The following MAP3K7CL variants were observed in gnomAD, a reference collection of about 807,000 sequenced individuals.
MAP3K7CL encodes MAP3K7 C-terminal-like protein.
A neutral mutation model predicts 18.6 loss-of-function variants in MAP3K7CL; 16 were observed. The ratio of observed to expected loss-of-function variants is 0.86; its 90% CI spans 0.58 to 1.31. The LOEUF (loss-of-function observed/expected upper bound fraction) is 1.31. Ranked by LOEUF, MAP3K7CL falls within the 50% of genes most tolerant of loss-of-function variation. The pLI, the probability that MAP3K7CL is intolerant of heterozygous loss-of-function variation, is 0.00. For synonymous variants in MAP3K7CL, 65 were observed against 66.8 expected, an observed-to-expected ratio of 0.97 and a Z score of 0.13; for missense variants, 163 against 174.4, an observed-to-expected ratio of 0.93 and a Z score of 0.37.
intron 4 of MAP3K7CL, among the ~76,000 whole-genome samples, chr21:29,120,734 CCTTCCTTCCTT>C (rs1281359610): frequency 3.3e-5 from 5 of 150,680 alleles, no homozygotes; most frequent in African/African-American, 1.2e-4. Context: ...TCTTTTCCTT[CCTTCCTTCCTT>C]CTTCCTTCCT....
intron 3 of MAP3K7CL, among the ~76,000 whole-genome samples, chr21:29,154,209 C>A (rs577022932): frequency 6.6e-6 from 1 of 151,956 alleles, no homozygotes; most frequent in Non-Finnish European, 1.5e-5. Context: ...AATAATTGCT[C>A]AATTAATGTA....
intron 2 of MAP3K7CL, among the ~76,000 whole-genome samples, chr21:29,147,346 C>A (rs1350380377): frequency 6.6e-6 from 1 of 151,720 alleles, no homozygotes; most frequent in Non-Finnish European, 1.5e-5. Flanking sequence ...TGTATCTGCA[C>A]TGTGTATGTG....
intron 3 of MAP3K7CL, among the ~76,000 whole-genome samples, chr21:29,150,754 C>T (rs1420795192): frequency 6.7e-6 from 1 of 148,830 alleles, no homozygotes; most frequent in Non-Finnish European, 1.5e-5. Context: ...AACAATTCAG[C>T]TCTCCCTCTA....
At chr21:29,138,058 G>A (rs1182412592) in intron 2 of MAP3K7CL, among the ~76,000 whole-genome samples, 1 of 152,148 alleles carries the variant, frequency 6.6e-6, no homozygotes, top group Non-Finnish European at 1.5e-5. Flanking sequence ...ACTGGCCCTG[G>A]TAGATGAGGA....
At chr21:29,113,740 T>C (rs1382305159) in intron 4 of MAP3K7CL, among the ~76,000 whole-genome samples, 1 of 152,136 alleles carries the variant, frequency 6.6e-6, no homozygotes, top group African/African-American at 2.4e-5. Context: ...GTCAGAGTGG[T>C]CTCAATCTCC....
At chr21:29,135,722 G>A (rs1480485386) in intron 2 of MAP3K7CL, among the ~76,000 whole-genome samples, 3 of 152,102 alleles carry the variant, frequency 2.0e-5, no homozygotes, top group Non-Finnish European at 4.4e-5. Flanking sequence ...AGTTTAGACT[G>A]GTTTGTTCCA....
chr21:29,172,476 G>T (rs1434722041), intron 4 of MAP3K7CL, among the ~76,000 whole-genome samples: 2 of 152,032 alleles, frequency 1.3e-5, no homozygotes, highest in African/African-American at 4.8e-5. Context: ...GGTGAAAGTG[G>T]CCTTCCAGTT....
Position 29,160,024 on chromosome 21 carries a change from C to T in MAP3K7CL, c.216C>T (p.Val72=), listed in dbSNP as rs914520509. ...AAATAGCAGAAGAATACCATGAGGTCAAAAAGGAAATCACCCTGCTTGAGC... is the reference window on the plus strand; with the variant it reads ...AAATAGCAGAAGAATACCATGAGGTTAAAAAGGAAATCACCCTGCTTGAGC... ...HCQIAEEYHE[V]KKEITLLEQR... Residue 72 remains valine (V), a synonymous_variant, in exon 4 of 5, where the codon GTC becomes GTT. Transcript: ENST00000399928. 3.1e-6 allele frequency: 5 copies of T among 1,613,808 alleles called. No individual in the cohort carries two copies. Among genetic ancestry groups the T allele is most frequent in the Non-Finnish European group, 3.4e-6 (4 of 1,179,926 alleles).
chr21:29,082,655 G>GT (rs931843716), upstream of MAP3K7CL, among the ~76,000 whole-genome samples: 30 of 152,174 alleles, frequency 2.0e-4, no homozygotes, highest in African/African-American at 7.0e-4. Flanking sequence ...GCTGAAGTAG[G>GT]TTATGTGGCC....
intron 4 of MAP3K7CL, among the ~76,000 whole-genome samples, chr21:29,122,532 G>T (rs1186559640): frequency 6.6e-6 from 1 of 152,206 alleles, no homozygotes; most frequent in Non-Finnish European, 1.5e-5. Flanking sequence ...GCTGGAAAGG[G>T]GATGGAGCGG....
chr21:29,133,939 G>A (rs1003975225), intron 2 of MAP3K7CL, among the ~76,000 whole-genome samples: 1 of 152,174 alleles, frequency 6.6e-6, no homozygotes, highest in African/African-American at 2.4e-5. Context: ...TAAGGTCTGA[G>A]GTGAAACTGC....
intron 2 of MAP3K7CL, among the ~76,000 whole-genome samples, chr21:29,134,916 TG>T: frequency 6.6e-6 from 1 of 152,070 alleles, no homozygotes; most frequent in East Asian, 1.9e-4. Context: ...CTGGGCCTGG[TG>T]GCGGGCGCCT....
chr21:29,090,013 C>T (rs1170338958), intron 1 of MAP3K7CL, among the ~76,000 whole-genome samples: 1 of 152,180 alleles, frequency 6.6e-6, no homozygotes. Flanking sequence ...AATTTTGATA[C>T]TATTCGACCC....
chr21:29,166,193 A>G (rs1026267050), intron 4 of MAP3K7CL, among the ~76,000 whole-genome samples: 1 of 151,936 alleles, frequency 6.6e-6, no homozygotes, highest in Admixed American at 6.6e-5. Context: ...GGTAATCACT[A>G]TTCTACTCTC....
At chr21:29,143,529 T>G (rs183229346) in intron 2 of MAP3K7CL, among the ~76,000 whole-genome samples, 1 of 152,042 alleles carries the variant, frequency 6.6e-6, no homozygotes, top group East Asian at 1.9e-4. Flanking sequence ...TTCAAGCAAT[T>G]CTCCTGCCTC....
At chr21:29,165,895 G>A (rs1427346394) in intron 4 of MAP3K7CL, among the ~76,000 whole-genome samples, 1 of 152,168 alleles carries the variant, frequency 6.6e-6, no homozygotes, top group Non-Finnish European at 1.5e-5. Flanking sequence ...TGTAGTAATT[G>A]TACTTAGTTA....
At chr21:29,169,721 C>A (rs906361226) in intron 4 of MAP3K7CL, among the ~76,000 whole-genome samples, 1 of 152,154 alleles carries the variant, frequency 6.6e-6, no homozygotes, top group African/African-American at 2.4e-5. Context: ...GTCTCAAACT[C>A]CTGCAATGTA....
upstream of MAP3K7CL, chr21:29,127,849 G>T (rs2086705878): frequency 6.6e-6 from 1 of 152,228 alleles, no homozygotes; most frequent in Non-Finnish European, 1.5e-5. Flanking sequence ...GTGTTGGTGA[G>T]GAGCTGTTGA....
chr21:29,092,607 A>C (rs1027037376), intron 4 of MAP3K7CL: 1 of 1,611,284 alleles, frequency 6.2e-7, no homozygotes, highest in Non-Finnish European at 8.5e-7. Flanking sequence ...ACTTTCTGGA[A>C]GTCTCAGGTT....
Sources: gnomAD v4.1 joint callset for allele counts (sites outside exome capture counted in the v4.1 genomes callset) on GRCh38, gnomAD v4.1.1 for gene constraint, MANE v1.5 for transcripts, NCBI Gene and HGNC (gene_info 2026-07-23, HGNC 2026-07-21) for gene names.